HHIPL1: variants seen among roughly 807,000 people sequenced by gnomAD.
The protein encoded by HHIPL1 is HHIP like 1.
In HHIPL1, 43 loss-of-function variants were observed where a neutral mutation model predicts 61.8. The observed-to-expected ratio is 0.70, with a 90% confidence interval of 0.55 to 0.90. The LOEUF (loss-of-function observed/expected upper bound fraction) is 0.90. Ranked by LOEUF, HHIPL1 falls within the 40% of genes least tolerant of loss-of-function variation. The probability of loss-of-function intolerance (pLI) is 0.00; values close to 1 mark genes in which losing one functional copy is unlikely to be tolerated. For synonymous variants in HHIPL1, 482 were observed against 515.8 expected (o/e 0.93, Z 0.89); for missense variants, 1,056 against 1,157.7 (o/e 0.91, Z 1.28).
Position 99,675,845 on chromosome 14 carries a change from A to G in HHIPL1, c.*219A>G. ...GGGGCGGTGTGGGCTCTGGAAGTGCATGGTCCATCATGGGCGGGAGGAGTT... is the reference window on the plus strand; with the variant it reads ...GGGGCGGTGTGGGCTCTGGAAGTGCGTGGTCCATCATGGGCGGGAGGAGTT... On this transcript the variant is annotated 3_prime_UTR_variant, in exon 9 of 9. Coordinates refer to ENST00000330710, the MANE Select transcript of HHIPL1 (RefSeq NM_001127258.3). The surrounding 1 kb of genome is among the most constrained non-coding windows in gnomAD (Gnocchi z 5.4). The G allele has an allele frequency of 2.2e-6, 1 of 446,122 alleles. No individual in the cohort carries two copies. Among genetic ancestry groups the G allele is most frequent in the East Asian group, 3.5e-5 (1 of 28,438 alleles). The allele number at this position is 446,122 out of a possible 1,614,324, so 27.6% of individuals were successfully genotyped here.
chr14:99,639,471 A>T, the HHIPL1 span, among the ~76,000 whole-genome samples: 3 of 151,910 alleles, frequency 2.0e-5, no homozygotes, highest in Admixed American at 6.6e-5. Flanking sequence ...CAGCCTCGAG[A>T]GTAGCTGGGA....
the HHIPL1 span, among the ~76,000 whole-genome samples, chr14:99,626,052 G>T: frequency 2.0e-5 from 3 of 152,290 alleles, no homozygotes; most frequent in African/African-American, 7.2e-5. Flanking sequence ...GGTGGGTGCA[G>T]CCAGAGGATC....
the HHIPL1 span, among the ~76,000 whole-genome samples, chr14:99,634,653 G>A: frequency 6.6e-6 from 1 of 152,152 alleles, no homozygotes; most frequent in Non-Finnish European, 1.5e-5. Flanking sequence ...TGGGCCACAC[G>A]GTTGTGGTGC....
chr14:99,660,235 TC>T lies in HHIPL1; in HGVS notation c.1376-42del, dbSNP rs1417347427. On this transcript the variant is annotated intron_variant, in intron 4 of 8. Transcript: ENST00000330710. The surrounding 1 kb of genome is among the most constrained non-coding windows in gnomAD (Gnocchi z 4.9). ...CGGAATTCTCCTGGCTGATGAACCT[TC>T]CCGCCGCTGGCTCACCGAAGCTTCT... 1.9e-6 allele frequency: 3 copies of T among 1,610,892 alleles called. No homozygotes were observed. The highest frequency in any genetic ancestry group is 2.5e-6 in the Non-Finnish European group (3 of 1,178,848).
chr14:99,641,988 A>C (rs1211317544), upstream of HHIPL1, among the ~76,000 whole-genome samples: 15 of 150,874 alleles, frequency 9.9e-5, no homozygotes, highest in Admixed American at 8.6e-4. Flanking sequence ...GGCCCAGGCT[A>C]CAGTGCAGTG....
chr14:99,675,880 C>G lies in HHIPL1; in HGVS notation c.*254C>G, dbSNP rs1436226486. ...ATGGGCGGGAGGAGTTCCTTTCTTA[C>G]CTCCAAGCGTTTCAGACACCAGCAG... On this transcript the variant is annotated 3_prime_UTR_variant, in exon 9 of 9. Transcript: ENST00000330710. This position sits in a 1 kb window ranked among gnomAD's most constrained non-coding sequence, Gnocchi z 5.4. 7.4e-6 allele frequency: 3 copies of G among 404,980 alleles called. No individual in the cohort carries two copies. Among genetic ancestry groups the G allele is most frequent in the Non-Finnish European group, 1.3e-5 (3 of 229,796 alleles). The allele number at this position is 404,980 out of a possible 1,614,324, so 25.1% of individuals were successfully genotyped here.
At chr14:99,661,061 G>C (rs1412715367) in intron 5 of HHIPL1, among the ~76,000 whole-genome samples, 1 of 152,144 alleles carries the variant, frequency 6.6e-6, no homozygotes, top group East Asian at 1.9e-4. Flanking sequence ...AAATAGGTTT[G>C]ATGGGGGAGG....
In HHIPL1 at chr14:99,659,138, C is replaced by CTACCTAAACG. The variant is rs559958190; in HGVS notation, c.1047-289_1047-280dup. ...AAGTGGGGATCATACTAGGACACAC[C>CTACCTAAACG]TACCTAAACGACTGTTGTGAGGACA... On this transcript the variant is annotated intron_variant, in intron 3 of 8. Transcript: ENST00000330710. Among the ~76,000 whole-genome samples, 200 of 152,326 alleles carry CTACCTAAACG rather than the reference C, an allele frequency of 1.3e-3. 1 individual carries two copies. Among genetic ancestry groups the CTACCTAAACG allele is most frequent in the Non-Finnish European group, 2.4e-3 (165 of 68,018 alleles).
At chr14:99,635,487 TG>T in the HHIPL1 span, among the ~76,000 whole-genome samples, 1 of 152,082 alleles carries the variant, frequency 6.6e-6, no homozygotes, top group East Asian at 1.9e-4. Context: ...CACAGGAAAG[TG>T]GGGCTGGGCC....
the HHIPL1 span, among the ~76,000 whole-genome samples, chr14:99,605,582 A>G: frequency 1.3e-5 from 2 of 152,330 alleles, no homozygotes. Context: ...TCTGCAGGGC[A>G]CCGAACTGCC....
intron 6 of HHIPL1, among the ~76,000 whole-genome samples, chr14:99,664,225 G>A (rs1350761818): frequency 6.6e-6 from 1 of 152,156 alleles, no homozygotes; most frequent in African/African-American, 2.4e-5. Context: ...CCTTTGGAGG[G>A]GTGTCCCCTG....
chr14:99,646,640 G>T (rs566283167), intron 1 of HHIPL1, among the ~76,000 whole-genome samples: 1 of 152,104 alleles, frequency 6.6e-6, no homozygotes, highest in South Asian at 2.1e-4. Context: ...TGGGCATGTT[G>T]GGGAGCTCCT....
chr14:99,670,020 T>C (rs1156636569), intron 7 of HHIPL1, among the ~76,000 whole-genome samples: 1 of 152,222 alleles, frequency 6.6e-6, no homozygotes, highest in African/African-American at 2.4e-5. Context: ...TCCCTTATTA[T>C]GAACACCTCA....
At chr14:99,619,975 C>T in the HHIPL1 span, among the ~76,000 whole-genome samples, 2 of 152,306 alleles carry the variant, frequency 1.3e-5, no homozygotes, top group Admixed American at 6.5e-5. Context: ...GATGAGGATC[C>T]GGCCTTTCTC....
At chr14:99,672,167 G>A in intron 7 of HHIPL1, 150 bp from the exon 8 acceptor site, 1 of 634,686 alleles carries the variant, frequency 1.6e-6, no homozygotes, top group East Asian at 2.8e-5. Context: ...CATGGAGTGG[G>A]CAGGGAAGCT....
At chr14:99,619,950 A>C in the HHIPL1 span, among the ~76,000 whole-genome samples, 6 of 152,242 alleles carry the variant, frequency 3.9e-5, no homozygotes, top group Non-Finnish European at 5.9e-5. Context: ...CATCCTTAGC[A>C]GAGGCTGGCC....
At position 99,652,261 on chromosome 14, in the gene HHIPL1, AG is replaced by A; in HGVS notation, c.295del (p.Asp99ThrfsTer77). The A allele has an allele frequency of 6.2e-7, 1 of 1,612,520 alleles. No individual in the cohort carries two copies. The highest frequency in any genetic ancestry group is 8.5e-7 in the Non-Finnish European group (1 of 1,179,212). ...SPYAAHLYDA[E>X]DPFTPLRTVP... ...TATGCAGCCCACCTCTATGACGCCG[AG>A]GACCCATTCACGCCCCTGCGCACGG... On this transcript the variant is annotated frameshift_variant, in exon 2 of 9. Coordinates refer to ENST00000330710, the MANE Select transcript of HHIPL1 (RefSeq NM_001127258.3). LOFTEE classifies it high-confidence loss of function.
the HHIPL1 span, among the ~76,000 whole-genome samples, chr14:99,632,202 G>A: frequency 2.6e-5 from 4 of 152,350 alleles, no homozygotes; most frequent in East Asian, 5.8e-4. Context: ...AGGTGCAGGT[G>A]CCTGTGTGTT....
At position 99,665,932 on chromosome 14, in the gene HHIPL1, C is replaced by G. The variant is rs1003823845; in HGVS notation, c.1649-2290C>G. On this transcript the variant is annotated intron_variant, in intron 6 of 8. Transcript: ENST00000330710. ...GAGTAGCTAGGACTATAGGTGCGCA[C>G]CACCATGCCTGGCTAATTTTTGTAT... Among the ~76,000 whole-genome samples the G allele has an allele frequency of 2.0e-5, 3 of 152,228 alleles. No individual in the cohort carries two copies. The East Asian group carries it at 5.8e-4, about 29-fold the overall frequency.
Sources: allele counts gnomAD v4.1 joint callset (sites outside exome capture counted in the v4.1 genomes callset), GRCh38; gene constraint gnomAD v4.1.1; non-coding constraint Gnocchi (gnomAD v3.1); transcripts MANE v1.5; gene names NCBI Gene and HGNC (gene_info 2026-07-23, HGNC 2026-07-21).